The following FOCAD variants were observed in gnomAD, a reference collection of about 807,000 sequenced individuals.
The protein encoded by FOCAD is focadhesin, also known as KIAA1797.
In FOCAD, 198 loss-of-function variants were observed where a neutral mutation model predicts 225.6. That is an observed-to-expected ratio of 0.88 (90% CI 0.78 to 0.99). The LOEUF (loss-of-function observed/expected upper bound fraction) is 0.99. Among genes scored for constraint, FOCAD ranks in the 50% least tolerant of loss-of-function variants. FOCAD has a pLI of 0.00. For missense variants in FOCAD, 2,713 were observed against 2,123.6 expected, an observed-to-expected ratio of 1.28 and a Z score of -5.46; for synonymous variants, 897 against 755.0, an observed-to-expected ratio of 1.19 and a Z score of -3.08.
chr9:20,682,908 C>G (rs374691210), upstream of FOCAD, among the ~76,000 whole-genome samples: 48 of 152,206 alleles, frequency 3.2e-4, no homozygotes, highest in African/African-American at 1.1e-3. Context: ...GTAGAGTAGC[C>G]GTGACTGCAG....
intron 15 of FOCAD, among the ~76,000 whole-genome samples, chr9:20,830,447 G>T (rs990420935): frequency 6.6e-6 from 1 of 152,018 alleles, no homozygotes; most frequent in African/African-American, 2.4e-5. Flanking sequence ...AAAAAAAGTA[G>T]TATCACTTAT....
At chr9:20,745,801 T>G (rs1827993611) in intron 5 of FOCAD, among the ~76,000 whole-genome samples, 1 of 152,174 alleles carries the variant, frequency 6.6e-6, no homozygotes, top group Non-Finnish European at 1.5e-5. Flanking sequence ...CTTTCTGAAA[T>G]AAGGGAATAT....
In FOCAD at chr9:20,740,356, G is replaced by GTT. The variant is rs57561334; in HGVS notation, c.392+25_392+26dup. On this transcript the variant is annotated intron_variant, in intron 5 of 43. Transcript: ENST00000338382. ...ATACCATTAGGTAAGCCTTTTTTCT[G>GTT]TTTTTTTTTTAAACAAATATGAATT... 7,233 of 1,208,846 alleles carry GTT rather than the reference G, an allele frequency of 6.0e-3. 2 individuals are homozygous for GTT. Among genetic ancestry groups the GTT allele is most frequent in the East Asian group, 0.022 (830 of 37,614 alleles). 74.9% of individuals were successfully genotyped at this position (1,208,846 alleles called of 1,614,324 possible).
At chr9:20,661,176 C>T (rs370585161) in intron 2 of FOCAD, among the ~76,000 whole-genome samples, 14 of 152,158 alleles carry the variant, frequency 9.2e-5, no homozygotes, top group African/African-American at 2.7e-4. Context: ...CTGAGAAGTA[C>T]GGAAGCAAAG....
At chr9:20,786,544 C>T (rs1050494986) in intron 10 of FOCAD, among the ~76,000 whole-genome samples, 1 of 152,156 alleles carries the variant, frequency 6.6e-6, no homozygotes, top group African/African-American at 2.4e-5. Flanking sequence ...ATCTATCTTA[C>T]TTTTAAAGGT....
At chr9:20,913,626 T>C (rs768101276) in intron 23 of FOCAD, among the ~76,000 whole-genome samples, 5 of 152,212 alleles carry the variant, frequency 3.3e-5, no homozygotes, top group African/African-American at 7.2e-5. Context: ...TATTTAATTA[T>C]AGGTTTTCAT....
intron 4 of FOCAD, among the ~76,000 whole-genome samples, chr9:20,738,652 A>C (rs1333982531): frequency 6.6e-6 from 1 of 152,216 alleles, no homozygotes; most frequent in African/African-American, 2.4e-5. Context: ...GTAGATTGTG[A>C]AAAATGCTTC....
intron 18 of FOCAD, among the ~76,000 whole-genome samples, chr9:20,869,703 G>T (rs376173271): frequency 6.6e-6 from 1 of 152,090 alleles, no homozygotes; most frequent in Non-Finnish European, 1.5e-5. Flanking sequence ...GGGATTAGAG[G>T]TGATGGACAT....
rs137912879 is a variant in FOCAD at position 20,678,061 on chromosome 9, G to A, written c.-77-16459G>A. Reference sequence around the variant, plus strand: ...ACCTCCAATAATTAAAAACATATCAGGAAGAACAAAAAGAGACTTGAGGCA... The same window carrying A: ...ACCTCCAATAATTAAAAACATATCAAGAAGAACAAAAAGAGACTTGAGGCA... On this transcript the variant is annotated intron_variant, in intron 2 of 45. Coordinates refer to the FOCAD transcript ENST00000380249. Among the ~76,000 whole-genome samples the A allele has an allele frequency of 3.1e-3, 470 of 152,152 alleles. 3 individuals are homozygous for A. Among genetic ancestry groups the A allele is most frequent in the African/African-American group, 0.011 (451 of 41,512 alleles).
In FOCAD at chr9:20,823,062, G is replaced by A; in HGVS notation, c.1867G>A (p.Ala623Thr). Reference sequence around the variant, plus strand: ...GAATGAATGCACCAAGCCTGATCAAGCTACTCCAGCAGCCTTGGTATTACA... The same window carrying A: ...GAATGAATGCACCAAGCCTGATCAAACTACTCCAGCAGCCTTGGTATTACA... ...VLNECTKPDQ[A>T]TPAALVLQGL... Residue 623 changes from alanine (A) to threonine (T), a missense_variant, in exon 15 of 44, where the codon GCT becomes ACT. By Grantham distance (58) the Ala-to-Thr change is moderately conservative. Coordinates refer to ENST00000338382, the MANE Select transcript of FOCAD (RefSeq NM_001375567.1). The A allele has an allele frequency of 6.2e-7, 1 of 1,609,902 alleles. No individual in the cohort carries two copies. The highest frequency in any genetic ancestry group is 8.5e-7 in the Non-Finnish European group (1 of 1,178,238).
intron 1 of FOCAD, among the ~76,000 whole-genome samples, chr9:20,708,786 A>T (rs1824598420): frequency 6.6e-6 from 1 of 151,932 alleles, no homozygotes; most frequent in Non-Finnish European, 1.5e-5. Flanking sequence ...TCTTAAGGAA[A>T]AAAAAAAAAA....
At position 20,981,631 on chromosome 9, in the gene FOCAD, G is replaced by T; in HGVS notation, c.4583G>T (p.Ser1528Ile). ...CCCAGCCCTGCCCACCACCTCTGGA[G>T]TCTGCTCTCTGAAGCTACTGGGAAA... ...KLPSPAHHLW[S>I]LLSEATGKIF... Residue 1528 changes from serine to isoleucine, a missense_variant, in exon 38 of 44, where the codon AGT (serine) becomes ATT (isoleucine). Coordinates refer to ENST00000338382, the MANE Select transcript of FOCAD (RefSeq NM_001375567.1). 6.2e-7 allele frequency: 1 copy of T among 1,613,958 alleles called. No individual in the cohort carries two copies. Among genetic ancestry groups the T allele is most frequent in the Non-Finnish European group, 8.5e-7 (1 of 1,179,930 alleles).
intron 10 of FOCAD, among the ~76,000 whole-genome samples, chr9:20,783,080 T>C (rs1460899730): frequency 6.6e-6 from 1 of 152,000 alleles, no homozygotes; most frequent in Admixed American, 6.6e-5. Context: ...TGAATGGGAG[T>C]GGGGGCAGGG....
intron 5 of FOCAD, among the ~76,000 whole-genome samples, chr9:20,741,515 T>C (rs192636775): frequency 1.0e-3 from 159 of 152,236 alleles, no homozygotes; most frequent in Admixed American, 2.4e-3. Context: ...TATTTTTTCT[T>C]AACATATTTT....
intron 3 of FOCAD, among the ~76,000 whole-genome samples, chr9:20,719,086 T>C (rs1825570290): frequency 1.3e-5 from 2 of 152,148 alleles, no homozygotes; most frequent in African/African-American, 4.8e-5. Flanking sequence ...TTGATTTTCT[T>C]TTCTTTTTTT....
chr9:20,669,385 T>A (rs1484819783), intron 2 of FOCAD, among the ~76,000 whole-genome samples: 1 of 152,174 alleles, frequency 6.6e-6, no homozygotes, highest in Non-Finnish European at 1.5e-5. Context: ...TGGTGAAAAC[T>A]TGGTTATTCT....
intron 35 of FOCAD, among the ~76,000 whole-genome samples, chr9:20,965,842 G>T (rs1466255044): frequency 6.6e-6 from 1 of 152,068 alleles, no homozygotes; most frequent in African/African-American, 2.4e-5. Context: ...AGGTTCATTC[G>T]CATTGTAGCA....
chr9:20,896,238 T>C (rs566418560), intron 21 of FOCAD, among the ~76,000 whole-genome samples: 35 of 152,088 alleles, frequency 2.3e-4, no homozygotes, highest in African/African-American at 8.2e-4. Flanking sequence ...AATTCTTTTT[T>C]ACATTGTTAG....
chr9:20,693,678 C>G (rs1823118572), intron 1 of FOCAD, among the ~76,000 whole-genome samples: 1 of 152,106 alleles, frequency 6.6e-6, no homozygotes, highest in Non-Finnish European at 1.5e-5. Context: ...AATTCCTGGT[C>G]TCCTTTGCAA....
Sources: gnomAD v4.1 joint callset for allele counts (sites outside exome capture counted in the v4.1 genomes callset) on GRCh38, gnomAD v4.1.1 for gene constraint, MANE v1.5 for transcripts, NCBI Gene and HGNC (gene_info 2026-07-23, HGNC 2026-07-21) for gene names.